GALNT13: variants seen among roughly 807,000 people sequenced by gnomAD.
GALNT13 encodes polypeptide N-acetylgalactosaminyltransferase 13, also known as UDP-GalNAc:polypeptide N-acetylgalactosaminyltransferase 13.
GALNT13 carries 28 observed loss-of-function variants against 64.2 expected under a neutral mutation model. The observed-to-expected ratio is 0.44, with a 90% confidence interval of 0.32 to 0.60. The LOEUF is 0.60. GALNT13 is among the 20% of genes least tolerant of loss of function. The pLI, the probability that GALNT13 is intolerant of heterozygous loss-of-function variation, is 0.05. For synonymous variants in GALNT13, 214 were observed against 224.6 expected (o/e 0.95, Z 0.42); for missense variants, 577 against 669.8 (o/e 0.86, Z 1.53).
chr2:153,554,369 T>C, the GALNT13 span, among the ~76,000 whole-genome samples: 3 of 151,970 alleles, frequency 2.0e-5, no homozygotes, highest in South Asian at 6.2e-4. Context: ...ATTCTAAGTT[T>C]TGTGATAAAA....
chr2:154,167,660 A>G (rs1241446664), intron 4 of GALNT13, among the ~76,000 whole-genome samples: 1 of 152,206 alleles, frequency 6.6e-6, no homozygotes, highest in Non-Finnish European at 1.5e-5. Context: ...CAGTGTGAGT[A>G]GAGAGACACA....
the GALNT13 span, among the ~76,000 whole-genome samples, chr2:153,113,909 C>T: frequency 1.3e-5 from 2 of 152,052 alleles, no homozygotes; most frequent in African/African-American, 2.4e-5. Flanking sequence ...GTGTGCTTTT[C>T]ATTACATCTT....
the GALNT13 span, among the ~76,000 whole-genome samples, chr2:153,135,437 C>T: frequency 6.6e-6 from 1 of 152,082 alleles, no homozygotes; most frequent in Non-Finnish European, 1.5e-5. Context: ...TTTCTGCTTT[C>T]ATTGTGTAAG....
At chr2:153,675,368 A>C in the GALNT13 span, among the ~76,000 whole-genome samples, 1 of 152,238 alleles carries the variant, frequency 6.6e-6, no homozygotes, top group Non-Finnish European at 1.5e-5. Context: ...ATGCAGCCAT[A>C]AAAAAGATGA....
chr2:153,656,437 G>A, the GALNT13 span, among the ~76,000 whole-genome samples: 2 of 151,738 alleles, frequency 1.3e-5, no homozygotes, highest in Non-Finnish European at 2.9e-5. Context: ...GAAAAATACT[G>A]CACTTAGCTG....
intron 10 of GALNT13, 122 bp downstream of exon 10, chr2:154,396,252 AAAC>A (rs1699047571): frequency 1.9e-6 from 1 of 520,336 alleles, no homozygotes; most frequent in Middle Eastern, 4.3e-4. Context: ...GATCTGTTTT[AAAC>A]AACTTCTCAT....
the GALNT13 span, among the ~76,000 whole-genome samples, chr2:153,074,870 G>C: frequency 6.6e-6 from 1 of 152,112 alleles, no homozygotes; most frequent in African/African-American, 2.4e-5. Flanking sequence ...GAGTAGCTGA[G>C]ATTACATACA....
At chr2:153,666,580 A>G in the GALNT13 span, among the ~76,000 whole-genome samples, 1 of 152,340 alleles carries the variant, frequency 6.6e-6, no homozygotes, top group East Asian at 1.9e-4. Context: ...GAAATTGTCC[A>G]GAAATGAAGC....
the GALNT13 span, among the ~76,000 whole-genome samples, chr2:153,776,252 C>G: frequency 6.6e-6 from 1 of 152,062 alleles, no homozygotes; most frequent in East Asian, 1.9e-4. Context: ...AAAATTTTAT[C>G]CAGAATTGTT....
At chr2:153,582,406 A>C in the GALNT13 span, among the ~76,000 whole-genome samples, 1 of 152,034 alleles carries the variant, frequency 6.6e-6, no homozygotes, top group Non-Finnish European at 1.5e-5. Flanking sequence ...CCTGAGCTGA[A>C]TGTTTTTTAT....
chr2:153,480,319 A>G, the GALNT13 span, among the ~76,000 whole-genome samples: 2 of 152,154 alleles, frequency 1.3e-5, no homozygotes, highest in African/African-American at 4.8e-5. Flanking sequence ...CTTCATGACT[A>G]TCATAAAATA....
At chr2:153,306,554 A>G in the GALNT13 span, among the ~76,000 whole-genome samples, 1 of 152,260 alleles carries the variant, frequency 6.6e-6, no homozygotes. Flanking sequence ...GATTAGCTAT[A>G]TGCTTGTTTA....
At chr2:154,345,084 C>T (rs13400262) in intron 9 of GALNT13, among the ~76,000 whole-genome samples, 24,418 of 151,878 alleles carry the variant, frequency 0.16, 2,521 homozygotes, top group Middle Eastern at 0.3. Flanking sequence ...ACAACAAGGA[C>T]AGAAATTCTT....
the GALNT13 span, among the ~76,000 whole-genome samples, chr2:153,335,178 G>A: frequency 6.6e-6 from 1 of 152,112 alleles, no homozygotes; most frequent in Non-Finnish European, 1.5e-5. Context: ...TTTCTTCCCA[G>A]TCTCCAGTTG....
chr2:154,114,350 T>C (rs1703160748), intron 3 of GALNT13, among the ~76,000 whole-genome samples: 1 of 151,634 alleles, frequency 6.6e-6, no homozygotes, highest in Non-Finnish European at 1.5e-5. Context: ...AGGGACCCAC[T>C]GGACCCACTG....
At chr2:153,647,612 G>A in the GALNT13 span, among the ~76,000 whole-genome samples, 1 of 152,180 alleles carries the variant, frequency 6.6e-6, no homozygotes. Context: ...TAACATTGAA[G>A]TCTTTAATCC....
the GALNT13 span, among the ~76,000 whole-genome samples, chr2:153,124,891 A>T: frequency 0.034 from 5,203 of 152,278 alleles, 201 homozygotes; most frequent in East Asian, 0.18. Flanking sequence ...CTCCTTGCTT[A>T]ATCTATGAAC....
chr2:153,406,078 G>A, the GALNT13 span, among the ~76,000 whole-genome samples: 2 of 152,138 alleles, frequency 1.3e-5, no homozygotes, highest in Non-Finnish European at 2.9e-5. Context: ...ATATGAACCA[G>A]GCGTCCTTGA....
At chr2:153,530,918 C>T in the GALNT13 span, among the ~76,000 whole-genome samples, 1 of 152,122 alleles carries the variant, frequency 6.6e-6, no homozygotes, top group African/African-American at 2.4e-5. Flanking sequence ...AAATCTAAGA[C>T]CTAAAACTGT....
Sources: gnomAD v4.1 joint callset for allele counts (sites outside exome capture counted in the v4.1 genomes callset) on GRCh38, gnomAD v4.1.1 for gene constraint, MANE v1.5 for transcripts, NCBI Gene and HGNC (gene_info 2026-07-23, HGNC 2026-07-21) for gene names.